The following RFX1 variants were observed in gnomAD, a reference collection of about 807,000 sequenced individuals.
The protein encoded by RFX1 is regulatory factor X1.
A neutral mutation model predicts 119.6 loss-of-function variants in RFX1; 42 were observed. The ratio of observed to expected loss-of-function variants is 0.35; its 90% confidence interval spans 0.27 to 0.45. RFX1 has a LOEUF of 0.45. Ranked by LOEUF, RFX1 falls within the 20% of genes least tolerant of loss-of-function variation. The pLI is 1.00. For missense variants in RFX1, 1,118 were observed against 1,368.1 expected, an observed-to-expected ratio of 0.82 and a Z score of 2.88; for synonymous variants, 628 against 618.5, an observed-to-expected ratio of 1.02 and a Z score of -0.23.
At chr19:13,974,231 T>A (rs2145566960) in intron 8 of RFX1, among the ~76,000 whole-genome samples, 1 of 152,084 alleles carries the variant, frequency 6.6e-6, no homozygotes, top group African/African-American at 2.4e-5. Flanking sequence ...AAGGCGATGC[T>A]GTGATTGGAA....
chr19:13,964,399 TTTAA>T lies in RFX1; in HGVS notation c.2212-396_2212-393del, dbSNP rs1390966058. Among the ~76,000 whole-genome samples, 3 of 151,998 alleles carry T rather than the reference TTTAA, an allele frequency of 2.0e-5. 1 individual carries two copies. Among genetic ancestry groups the T allele is most frequent in the African/African-American group, 7.2e-5 (3 of 41,426 alleles). Reference sequence around the variant, plus strand: ...TGCCAGGAAAGGCCTTTTTTTTTTTTTTAAAAACGAAAGAACACAATAGATAATA... The same window carrying T: ...TGCCAGGAAAGGCCTTTTTTTTTTTTAAACGAAAGAACACAATAGATAATA... On this transcript the variant is annotated intron_variant, in intron 16 of 20. Transcript: ENST00000254325.
At chr19:13,967,026 C>T (rs548671341) in intron 12 of RFX1, among the ~76,000 whole-genome samples, 10 of 152,302 alleles carry the variant, frequency 6.6e-5, no homozygotes, top group African/African-American at 2.2e-4. Context: ...CTCTGAGTCC[C>T]GGCTGCAACA....
intron 8 of RFX1, among the ~76,000 whole-genome samples, chr19:13,975,822 A>G (rs1974239992): frequency 6.6e-6 from 1 of 152,262 alleles, no homozygotes; most frequent in Non-Finnish European, 1.5e-5. Flanking sequence ...GGGTGGGGAT[A>G]GGGCTGGCAA....
chr19:13,978,681 G>A (rs1974332914), intron 7 of RFX1, among the ~76,000 whole-genome samples: 1 of 152,044 alleles, frequency 6.6e-6, no homozygotes, highest in Admixed American at 6.5e-5. Flanking sequence ...GGGGCCTGGT[G>A]GGCGGCCCAG....
At position 13,989,514 on chromosome 19, in the gene RFX1, C is replaced by T. The variant is rs568527520; in HGVS notation, c.319+4011G>A. ...GCCTCCCAAGTAGCTGGGATTACGG[C>T]GCCCACCACCACACCCAGCTTAGAG... is the stretch of plus-strand genomic sequence containing the variant. On this transcript the variant is annotated intron_variant, in intron 2 of 20. Transcript: ENST00000254325. Among the ~76,000 whole-genome samples the T allele has an allele frequency of 5.9e-5, 9 of 151,928 alleles. No individual in the cohort carries two copies. The South Asian group carries it at 1.2e-3, about 21-fold the overall frequency.
At chr19:13,967,184 C>A (rs1056484476) in intron 12 of RFX1, among the ~76,000 whole-genome samples, 1 of 152,120 alleles carries the variant, frequency 6.6e-6, no homozygotes, top group African/African-American at 2.4e-5. Flanking sequence ...AGTATTGTTC[C>A]CCACCCTCCA....
intron 8 of RFX1, among the ~76,000 whole-genome samples, chr19:13,977,537 C>G (rs1305450909): frequency 6.6e-6 from 1 of 151,804 alleles, no homozygotes; most frequent in Non-Finnish European, 1.5e-5. Context: ...CTGCCTCAGC[C>G]TCCCGAGTAG....
At chr19:14,002,335 ATT>A (rs1225334104) in intron 1 of RFX1, among the ~76,000 whole-genome samples, 2 of 147,962 alleles carry the variant, frequency 1.4e-5, no homozygotes, top group Non-Finnish European at 3.0e-5. Context: ...AAAAAAAAAA[ATT>A]AGCCAGGCAT....
chr19:13,976,263 A>G (rs528127853), intron 8 of RFX1, among the ~76,000 whole-genome samples: 1 of 152,378 alleles, frequency 6.6e-6, no homozygotes, highest in Admixed American at 6.5e-5. Context: ...TCCATGAGCT[A>G]ACCAATCCCA....
Position 13,972,758 on chromosome 19 carries a change from A to C in RFX1, c.1299T>G (p.Arg433=). The C allele has an allele frequency of 6.2e-7, 1 of 1,600,136 alleles. No individual in the cohort carries two copies. The highest frequency in any genetic ancestry group is 8.5e-7 in the Non-Finnish European group (1 of 1,172,350). Residue 433 remains arginine, a synonymous_variant, in exon 9 of 21, where the codon CGT becomes CGG. Coordinates refer to ENST00000254325, the MANE Select transcript of RFX1 (RefSeq NM_002918.5). ...SASQSYSHTT[R]ASPATVQWLL... is the part of the protein sequence containing the mutation. ...GGGCACTTACCGTGGCTGGCGAGGCACGGGTGGTGTGAGAGTAAGACTGGC... is the reference window on the plus strand; with the variant it reads ...GGGCACTTACCGTGGCTGGCGAGGCCCGGGTGGTGTGAGAGTAAGACTGGC...
intron 17 of RFX1, 27 bp downstream of exon 17, chr19:13,963,831 G>A (rs1483884024): frequency 2.2e-5 from 33 of 1,487,658 alleles, no homozygotes; most frequent in Non-Finnish European, 2.8e-5. Flanking sequence ...CCCCTCATTC[G>A]CCCGCCCCGC....
At chr19:13,996,843 C>A (rs1031126087) in intron 1 of RFX1, among the ~76,000 whole-genome samples, 1 of 151,678 alleles carries the variant, frequency 6.6e-6, no homozygotes, top group Admixed American at 6.6e-5. Flanking sequence ...CCTGCCTCAG[C>A]CTCCCGAGTA....
In RFX1 at chr19:13,985,692, T is replaced by C. The variant is rs1169966289; in HGVS notation, c.320-2097A>G. ...GCAGTGATGTGTGAACTTGGGTATA[T>C]GGGCACAGGAAGGAAAGTAAGCTGG... On this transcript the variant is annotated intron_variant, in intron 2 of 20. Transcript: ENST00000254325. This position sits in a 1 kb window ranked among gnomAD's most constrained non-coding sequence, Gnocchi z 4.3. 6.6e-6 allele frequency among the ~76,000 whole-genome samples: 1 copy of C among 152,204 alleles called. No homozygotes were observed. The highest frequency in any genetic ancestry group is 1.5e-5 in the Non-Finnish European group (1 of 68,036).
At chr19:13,991,712 A>G (rs1289086758) in intron 2 of RFX1, among the ~76,000 whole-genome samples, 2 of 151,782 alleles carry the variant, frequency 1.3e-5, no homozygotes, top group African/African-American at 2.4e-5. Context: ...CCCAGGCTGG[A>G]GCGCAGTGGC....
chr19:13,988,504 G>A (rs1317948925), intron 2 of RFX1, among the ~76,000 whole-genome samples: 1 of 152,174 alleles, frequency 6.6e-6, no homozygotes, highest in Non-Finnish European at 1.5e-5. Context: ...GACACTCTGG[G>A]CGCCAAGCAG....
intron 16 of RFX1, 170 bp from the exon 17 acceptor site, chr19:13,964,177 G>GT: frequency 1.5e-6 from 1 of 658,748 alleles, no homozygotes; most frequent in Non-Finnish European, 2.5e-6. Context: ...CAAACTTTGG[G>GT]TGTCCACTCA....
chr19:14,001,650 T>C (rs1407763486), intron 1 of RFX1, among the ~76,000 whole-genome samples: 1 of 152,150 alleles, frequency 6.6e-6, no homozygotes, highest in Non-Finnish European at 1.5e-5. Context: ...ACTGGAAAGG[T>C]AAGGGCCCCA....
chr19:13,963,676 G>A lies in RFX1; in HGVS notation c.2432C>T (p.Thr811Met), dbSNP rs747034757. Reference sequence around the variant, plus strand: ...CTCCAGCGAGTTCTGCTGCTGCAGCGTCACCTTGAAGTCCTGCTCCAGCCG... The same window carrying A: ...CTCCAGCGAGTTCTGCTGCTGCAGCATCACCTTGAAGTCCTGCTCCAGCCG... ...VQRLEQDFKV[T>M]LQQQNSLEQW... Residue 811 changes from threonine to methionine, a missense_variant, in exon 18 of 21, where the codon ACG becomes ATG. Transcript: ENST00000254325. 1.2e-6 allele frequency: 2 copies of A among 1,604,342 alleles called. No homozygotes were observed. Among genetic ancestry groups the A allele is most frequent in the Non-Finnish European group, 1.7e-6 (2 of 1,177,808 alleles).
Position 13,972,790 on chromosome 19 carries a change from T to C in RFX1, c.1267A>G (p.Ser423Gly), listed in dbSNP as rs199969477. 727 of 1,608,094 alleles carry C rather than the reference T, an allele frequency of 4.5e-4. 3 individuals carry two copies. Among genetic ancestry groups the C allele is most frequent in the Non-Finnish European group, 5.5e-4 (652 of 1,177,732 alleles). The change falls in exon 9 of 21, where the codon AGT becomes GGT. Residue 423 changes from serine to glycine, a missense_variant. Physicochemically the swap from Ser to Gly is moderately conservative, Grantham distance 56. This residue lies in a region of RFX1 where 542 missense variants were observed against 602.7 expected (regional missense o/e 0.90). Transcript: ENST00000254325. The stretch of plus-strand genomic sequence containing the variant: ...GTGTGAGAGTAAGACTGGCTGGCAC[T>C]GCCCAGCATGTAGCCGCCTTGGATC... ...YVIQGGYMLG[S>G]ASQSYSHTTR...
Sources: gnomAD v4.1 joint callset for allele counts (sites outside exome capture counted in the v4.1 genomes callset) on GRCh38, gnomAD v4.1.1 for gene constraint, gnomAD v4.1.1 regional missense constraint, Gnocchi (gnomAD v3.1) non-coding constraint, MANE v1.5 for transcripts, NCBI Gene and HGNC (gene_info 2026-07-23, HGNC 2026-07-21) for gene names.